KIAA1549L: variants seen among roughly 807,000 people sequenced by gnomAD.
KIAA1549L encodes UPF0606 protein KIAA1549L.
KIAA1549L carries 88 observed loss-of-function variants against 160.7 expected under a neutral mutation model. That is an observed-to-expected ratio of 0.55 (90% confidence interval 0.46 to 0.65). The LOEUF (loss-of-function observed/expected upper bound fraction) is 0.65. KIAA1549L is among the 30% of genes least tolerant of loss of function. KIAA1549L has a pLI of 0.00. For missense variants in KIAA1549L, 2,258 were observed against 2,437.5 expected (o/e 0.93, Z 1.55); for synonymous variants, 950 against 976.7 (o/e 0.97, Z 0.51).
intron 18 of KIAA1549L, 105 bp downstream of exon 18, chr11:33,656,214 C>G (rs536990475): frequency 6.0e-5 from 48 of 805,444 alleles, no homozygotes; most frequent in South Asian, 9.1e-5. Flanking sequence ...ATGCTCCACC[C>G]CATCCAGGGT....
chr11:33,421,843 G>T (rs1851018313), intron 1 of KIAA1549L, among the ~76,000 whole-genome samples: 1 of 152,144 alleles, frequency 6.6e-6, no homozygotes, highest in African/African-American at 2.4e-5. Flanking sequence ...ACAATTACTG[G>T]AGGGTTTGTT....
intron 1 of KIAA1549L, among the ~76,000 whole-genome samples, chr11:33,464,743 T>A (rs1028339232): frequency 2.6e-5 from 4 of 152,152 alleles, no homozygotes; most frequent in Non-Finnish European, 4.4e-5. Flanking sequence ...CTTTGAGGGC[T>A]CTCCATGGTT....
At chr11:33,585,014 G>T (rs1027096585) in intron 11 of KIAA1549L, among the ~76,000 whole-genome samples, 1 of 152,168 alleles carries the variant, frequency 6.6e-6, no homozygotes, top group African/African-American at 2.4e-5. Context: ...TTCAGCAAAA[G>T]AAATCAAAGG....
At chr11:33,559,088 T>C (rs1015569357) in intron 6 of KIAA1549L, among the ~76,000 whole-genome samples, 2 of 152,138 alleles carry the variant, frequency 1.3e-5, no homozygotes, top group African/African-American at 2.4e-5. Context: ...TCTGCCTACG[T>C]TGGCCTCCCA....
At chr11:33,538,665 C>A (rs985430104) in intron 1 of KIAA1549L, among the ~76,000 whole-genome samples, 1 of 152,084 alleles carries the variant, frequency 6.6e-6, no homozygotes, top group African/African-American at 2.4e-5. Flanking sequence ...AGGGACAGGG[C>A]TCTAAAAATA....
intron 1 of KIAA1549L, among the ~76,000 whole-genome samples, chr11:33,525,182 A>G (rs550372733): frequency 8.5e-5 from 13 of 152,250 alleles, no homozygotes; most frequent in African/African-American, 3.1e-4. Context: ...AATAATTCAT[A>G]GAGTCTTTGA....
chr11:33,520,682 CCAACACACACACACA>C (rs1411647929), intron 1 of KIAA1549L, among the ~76,000 whole-genome samples: 3 of 131,452 alleles, frequency 2.3e-5, no homozygotes, highest in African/African-American at 9.8e-5. Context: ...CCCCCCACCC[CCAACACACACACACA>C]CACACACACA....
rs570447766 is a variant in KIAA1549L at position 33,426,432 on chromosome 11, G to A, written c.238+49543G>A. Among the ~76,000 whole-genome samples, 3 of 152,274 alleles carry A rather than the reference G, an allele frequency of 2.0e-5. No homozygotes were observed. In the East Asian group the frequency reaches 5.8e-4, roughly 29 times the overall value. ...AGCTAAAGGAGTCAAACTGTATCTT[G>A]ACTGATGGAGTTCCTGACCATAAAT... On this transcript the variant is annotated intron_variant, in intron 1 of 20. Transcript: ENST00000658780.
chr11:33,491,997 AC>A, intron 1 of KIAA1549L, among the ~76,000 whole-genome samples: 1 of 152,248 alleles, frequency 6.6e-6, no homozygotes, highest in Admixed American at 6.5e-5. Flanking sequence ...GTGGGTCTAA[AC>A]CTTTTTGTGG....
At chr11:33,498,942 A>G (rs186952469) in intron 1 of KIAA1549L, among the ~76,000 whole-genome samples, 1 of 152,216 alleles carries the variant, frequency 6.6e-6, no homozygotes, top group East Asian at 1.9e-4. Flanking sequence ...CTGAATCTCC[A>G]CCCTGATGAC....
chr11:33,649,112 C>T (rs575962651), intron 17 of KIAA1549L, among the ~76,000 whole-genome samples: 3 of 152,180 alleles, frequency 2.0e-5, no homozygotes, highest in African/African-American at 4.8e-5. Context: ...AGCTGCCTAA[C>T]TTCAAATCCC....
intron 1 of KIAA1549L, among the ~76,000 whole-genome samples, chr11:33,468,969 C>A (rs1465077724): frequency 6.6e-6 from 1 of 151,958 alleles, no homozygotes; most frequent in Non-Finnish European, 1.5e-5. Context: ...TTCGTTGGCT[C>A]TGGGCTGAAG....
At chr11:33,636,422 C>G (rs1291872081) in intron 16 of KIAA1549L, among the ~76,000 whole-genome samples, 2 of 149,116 alleles carry the variant, frequency 1.3e-5, no homozygotes, top group Non-Finnish European at 3.0e-5. Flanking sequence ...AATCACGGCT[C>G]ACTGCAACTT....
chr11:33,395,415 T>C (rs1359819259), intron 1 of KIAA1549L, among the ~76,000 whole-genome samples: 1 of 152,232 alleles, frequency 6.6e-6, no homozygotes, highest in Non-Finnish European at 1.5e-5. Flanking sequence ...TTATTTTCTT[T>C]TTCTCTTCTC....
chr11:33,560,343 T>C (rs1056691041), intron 7 of KIAA1549L, among the ~76,000 whole-genome samples: 5 of 152,224 alleles, frequency 3.3e-5, no homozygotes, highest in African/African-American at 9.7e-5. Flanking sequence ...GCAGTCTGCC[T>C]TCTGAGCTTA....
At chr11:33,464,509 T>TGC (rs1554980360) in intron 1 of KIAA1549L, among the ~76,000 whole-genome samples, 14 of 139,864 alleles carry the variant, frequency 1.0e-4, no homozygotes, top group Admixed American at 4.3e-4. Context: ...TGTGTGTGTG[T>TGC]GTGCGTGCGC....
At chr11:33,483,477 T>C (rs1852455783) in intron 1 of KIAA1549L, among the ~76,000 whole-genome samples, 2 of 152,068 alleles carry the variant, frequency 1.3e-5, no homozygotes, top group South Asian at 2.1e-4. Context: ...GAAAGAGACA[T>C]CATGAAGGTG....
At chr11:33,452,262 T>A (rs995529150) in intron 1 of KIAA1549L, among the ~76,000 whole-genome samples, 3 of 151,574 alleles carry the variant, frequency 2.0e-5, no homozygotes, top group Admixed American at 2.0e-4. Flanking sequence ...GCTGTCCCCA[T>A]GCAAAATAGA....
intron 10 of KIAA1549L, among the ~76,000 whole-genome samples, chr11:33,578,181 C>T (rs535814298): frequency 1.1e-4 from 17 of 152,132 alleles, no homozygotes; most frequent in East Asian, 5.8e-4. Context: ...GAGCAGTGGA[C>T]GGGGTCAGGG....
Sources: gnomAD v4.1 joint callset for allele counts (sites outside exome capture counted in the v4.1 genomes callset) on GRCh38, gnomAD v4.1.1 for gene constraint, MANE v1.5 for transcripts, NCBI Gene and HGNC (gene_info 2026-07-23, HGNC 2026-07-21) for gene names.